The following RAD54L2 variants were observed in gnomAD, a reference collection of about 807,000 sequenced individuals.
The protein encoded by RAD54L2 is RAD54 like 2.
In RAD54L2, 27 loss-of-function variants were observed where a neutral mutation model predicts 138.4. The ratio of observed to expected loss-of-function variants is 0.20; its 90% confidence interval spans 0.14 to 0.27. RAD54L2 has a LOEUF of 0.27. RAD54L2 is among the 10% of genes least tolerant of loss of function. The pLI, the probability that RAD54L2 is intolerant of heterozygous loss-of-function variation, is 1.00. For missense variants in RAD54L2, 1,396 were observed against 1,890.2 expected, an observed-to-expected ratio of 0.74 and a Z score of 4.85; for synonymous variants, 644 against 723.2, an observed-to-expected ratio of 0.89 and a Z score of 1.76.
At chr3:51,562,975 A>C (rs953498322) in intron 2 of RAD54L2, among the ~76,000 whole-genome samples, 1 of 151,996 alleles carries the variant, frequency 6.6e-6, no homozygotes, top group African/African-American at 2.4e-5. Flanking sequence ...CCCAGGCAAT[A>C]CCTCTGCCTA....
In RAD54L2 at chr3:51,553,005, GATTTA is replaced by G. The variant is rs1225482562; in HGVS notation, c.-55+11359_-55+11363del. Among the ~76,000 whole-genome samples, 174 of 152,076 alleles carry G rather than the reference GATTTA, an allele frequency of 1.1e-3. 2 individuals are homozygous for G. The highest frequency in any genetic ancestry group is 7.4e-5 in the Non-Finnish European group (5 of 68,016). ...CTTGTCCTTTGTCAACTTTTTGGCT[GATTTA>G]ATTAATTTATTTTGTTGATTTGTGA... On this transcript the variant is annotated intron_variant, in intron 2 of 22. Transcript: ENST00000684192.
At chr3:51,552,295 C>CT (rs1464786847) in intron 2 of RAD54L2, among the ~76,000 whole-genome samples, 2 of 151,898 alleles carry the variant, frequency 1.3e-5, no homozygotes, top group Non-Finnish European at 2.9e-5. Flanking sequence ...CAGAGTCTTG[C>CT]TCTGTCGCCC....
intron 2 of RAD54L2, among the ~76,000 whole-genome samples, chr3:51,546,446 G>A (rs1236398692): frequency 2.3e-4 from 35 of 150,816 alleles, no homozygotes; most frequent in African/African-American, 8.3e-4. Flanking sequence ...TTTGAGACCA[G>A]CCTGATCAAC....
At chr3:51,608,203 C>G (rs1427707032) in intron 3 of RAD54L2, among the ~76,000 whole-genome samples, 1 of 150,556 alleles carries the variant, frequency 6.6e-6, no homozygotes, top group African/African-American at 2.5e-5. Flanking sequence ...CGCGGCCGGG[C>G]AGAGGCGCTC....
At chr3:51,548,143 C>T (rs1698747228) in intron 2 of RAD54L2, among the ~76,000 whole-genome samples, 1 of 151,544 alleles carries the variant, frequency 6.6e-6, no homozygotes, top group African/African-American at 2.4e-5. Flanking sequence ...ATCTGCACAT[C>T]TCGGCCTCCC....
chr3:51,630,832 T>C lies in RAD54L2; in HGVS notation c.726T>C (p.Arg242=), dbSNP rs1700820140. 1 of 1,614,036 alleles carries C rather than the reference T, an allele frequency of 6.2e-7. No homozygotes were observed. Among genetic ancestry groups the C allele is most frequent in the East Asian group, 2.2e-5 (1 of 44,882 alleles). Residue 242 remains arginine (R), a synonymous_variant, in exon 7 of 23, where the codon CGT becomes CGC. Transcript: ENST00000684192. ...ATGTCAATGATGTCTTAAACCAGCG[T>C]GACGCCCTTGGGCGGGTCCTTGTCA... ...GTHVNDVLNQ[R]DALGRVLVNL...
intron 21 of RAD54L2, 149 bp from the exon 22 acceptor site, chr3:51,659,877 G>C (rs1701713851): frequency 3.8e-6 from 2 of 531,732 alleles, no homozygotes; most frequent in Admixed American, 5.9e-5. Context: ...CCATAGCTCA[G>C]TCACCCCACT....
intron 2 of RAD54L2, among the ~76,000 whole-genome samples, chr3:51,582,250 C>G (rs1699623558): frequency 6.6e-6 from 1 of 152,086 alleles, no homozygotes; most frequent in Admixed American, 6.6e-5. Flanking sequence ...TGGAAAGACA[C>G]AGGACTCATA....
chr3:51,607,657 G>T (rs1700219410), intron 3 of RAD54L2, among the ~76,000 whole-genome samples: 1 of 152,132 alleles, frequency 6.6e-6, no homozygotes, highest in South Asian at 2.1e-4. Flanking sequence ...GGGCAGAGGG[G>T]CTCCTCACTT....
At chr3:51,627,809 T>C in intron 4 of RAD54L2, 55 bp downstream of exon 4, 1 of 1,581,822 alleles carries the variant, frequency 6.3e-7, no homozygotes, top group Non-Finnish European at 8.7e-7. Context: ...TTTACCTTCA[T>C]CTTAAGGCTG....
chr3:51,641,074 C>T (rs1701121648), intron 14 of RAD54L2, among the ~76,000 whole-genome samples: 2 of 148,722 alleles, frequency 1.3e-5, no homozygotes, highest in South Asian at 4.3e-4. Context: ...GTGATCTTGG[C>T]TCACTGCATC....
intron 19 of RAD54L2, among the ~76,000 whole-genome samples, chr3:51,650,345 T>A (rs1318084533): frequency 1.3e-5 from 2 of 152,174 alleles, no homozygotes; most frequent in Non-Finnish European, 1.5e-5. Context: ...TGGGAGACTT[T>A]AACACCCCAC....
intron 21 of RAD54L2, among the ~76,000 whole-genome samples, chr3:51,659,234 T>C (rs1296942157): frequency 1.3e-5 from 2 of 150,900 alleles, no homozygotes; most frequent in East Asian, 3.9e-4. Flanking sequence ...GCCTCCCGAG[T>C]AGCTGGGACT....
intron 3 of RAD54L2, among the ~76,000 whole-genome samples, chr3:51,591,472 C>T (rs1308637178): frequency 2.6e-5 from 4 of 152,172 alleles, no homozygotes; most frequent in African/African-American, 9.7e-5. Context: ...CACTGATCCT[C>T]TGTCTTTACT....
intron 2 of RAD54L2, among the ~76,000 whole-genome samples, chr3:51,570,888 C>G (rs1699324558): frequency 6.6e-6 from 1 of 152,118 alleles, no homozygotes; most frequent in Non-Finnish European, 1.5e-5. Flanking sequence ...ATGGCATGAT[C>G]TTGGCCCACT....
At chr3:51,614,108 C>T (rs978430012) in intron 3 of RAD54L2, among the ~76,000 whole-genome samples, 1 of 151,896 alleles carries the variant, frequency 6.6e-6, no homozygotes, top group Non-Finnish European at 1.5e-5. Flanking sequence ...TGTTCCCATC[C>T]CTTGTGAGAG....
In RAD54L2 at chr3:51,594,571, G is replaced by A. The variant is rs149989491; in HGVS notation, c.139+4012G>A. Among the ~76,000 whole-genome samples, 1,376 of 152,154 alleles carry A rather than the reference G, an allele frequency of 9.0e-3. 29 individuals carry two copies. Among genetic ancestry groups the A allele is most frequent in the African/African-American group, 0.03 (1,231 of 41,490 alleles). ...TCTGAGACCATAGATTCTTATAATC[G>A]CCTTTCCTGTGATGTGTTTGCTTTC... On this transcript the variant is annotated intron_variant, in intron 3 of 22. Coordinates refer to ENST00000684192, the MANE Select transcript of RAD54L2 (RefSeq NM_015106.4).
At position 51,645,825 on chromosome 3, in the gene RAD54L2, C is replaced by G; in HGVS notation, c.2829+62C>G. The G allele has an allele frequency of 1.4e-6, 2 of 1,480,440 alleles. No homozygotes were observed. The highest frequency in any genetic ancestry group is 1.8e-6 in the Non-Finnish European group (2 of 1,106,146). 91.7% of individuals were successfully genotyped at this position (1,480,440 alleles called of 1,614,324 possible). A position where few individuals can be genotyped will look rare whatever the true frequency, so the allele number is the denominator to read the frequency against. On this transcript the variant is annotated intron_variant, in intron 18 of 22. Transcript: ENST00000684192. This position sits in a 1 kb window ranked among gnomAD's most constrained non-coding sequence, Gnocchi z 6.1. ...AGTCTCTCTGTCAAAGGAGGCTTGTCTTGTAAGCTTTTTTCTTCATCTGAG... is the reference window on the plus strand; with the variant it reads ...AGTCTCTCTGTCAAAGGAGGCTTGTGTTGTAAGCTTTTTTCTTCATCTGAG...
chr3:51,660,285 T>G (rs1381539844), intron 22 of RAD54L2, among the ~76,000 whole-genome samples, 167 bp downstream of exon 22: 1 of 152,086 alleles, frequency 6.6e-6, no homozygotes, highest in Non-Finnish European at 1.5e-5. Context: ...TGGTTTTTTT[T>G]TTTGTTTCTT....
Sources: allele counts gnomAD v4.1 joint callset (sites outside exome capture counted in the v4.1 genomes callset), GRCh38; gene constraint gnomAD v4.1.1; non-coding constraint Gnocchi (gnomAD v3.1); transcripts MANE v1.5; gene names NCBI Gene and HGNC (gene_info 2026-07-23, HGNC 2026-07-21).